The following LPP variants were observed in gnomAD, a reference collection of about 807,000 sequenced individuals.
LPP encodes the protein LIM domain containing preferred translocation partner in lipoma, also known as lipoma-preferred partner.
A neutral mutation model predicts 60.4 loss-of-function variants in LPP; 38 were observed. That is an observed-to-expected ratio of 0.63 (90% confidence interval 0.49 to 0.83). The LOEUF (loss-of-function observed/expected upper bound fraction) is 0.83. LPP is among the 40% of genes least tolerant of loss of function. LPP has a pLI of 0.00. For missense variants in LPP, 902 were observed against 783.6 expected, an observed-to-expected ratio of 1.15 and a Z score of -1.80; for synonymous variants, 328 against 290.8, an observed-to-expected ratio of 1.13 and a Z score of -1.30.
Position 188,609,717 on chromosome 3 carries a change from A to G in LPP, c.986A>G (p.Glu329Gly). ...GGTCACCCAAATACCTGGAAACGGG[A>G]ACCAGGGTACACTCCTCCTGGAGCA... Reference protein sequence around the residue: ...QQGHPNTWKREPGYTPPGAGN... With the variant: ...QQGHPNTWKRGPGYTPPGAGN... The change falls in exon 7 of 12, where the codon GAA (glutamate) becomes GGA (glycine). Residue 329 changes from glutamate to glycine, a missense_variant. Transcript: ENST00000617246. The surrounding 1 kb of genome is among the most constrained non-coding windows in gnomAD (Gnocchi z 6.9). 2.5e-6 allele frequency: 4 copies of G among 1,614,138 alleles called. No homozygotes were observed. In the South Asian group the frequency reaches 4.4e-5, roughly 18 times the overall value.
chr3:188,785,584 A>G (rs1295871552), intron 9 of LPP, among the ~76,000 whole-genome samples: 1 of 145,814 alleles, frequency 6.9e-6, no homozygotes, highest in Non-Finnish European at 1.5e-5. Context: ...ATACCCACAC[A>G]TCCCAGTTTC....
At chr3:188,281,993 T>C (rs1276654611) in intron 2 of LPP, among the ~76,000 whole-genome samples, 1 of 152,158 alleles carries the variant, frequency 6.6e-6, no homozygotes, top group Non-Finnish European at 1.5e-5. Flanking sequence ...CCTTCTCACC[T>C]TGCCCTTTGG....
At chr3:188,336,371 T>C (rs1210746083) in intron 2 of LPP, among the ~76,000 whole-genome samples, 1 of 152,124 alleles carries the variant, frequency 6.6e-6, no homozygotes, top group Non-Finnish European at 1.5e-5. Flanking sequence ...GAGACATTAC[T>C]CTACAAACTC....
intron 6 of LPP, among the ~76,000 whole-genome samples, chr3:188,528,991 C>T (rs1414291244): frequency 2.6e-5 from 4 of 152,152 alleles, no homozygotes; most frequent in African/African-American, 9.7e-5. Flanking sequence ...TGGTAAAATA[C>T]ACTTTCGATG....
At chr3:188,170,329 C>CTTTTTTTTTTT (rs34760455) in intron 1 of LPP, among the ~76,000 whole-genome samples, 4 of 96,434 alleles carry the variant, frequency 4.1e-5, no homozygotes, top group Admixed American at 1.1e-4. Context: ...CTTTTCTTTT[C>CTTTTTTTTTTT]TTTTTTTTTT....
At chr3:188,622,870 A>G (rs1846051043) in intron 7 of LPP, among the ~76,000 whole-genome samples, 1 of 152,040 alleles carries the variant, frequency 6.6e-6, no homozygotes, top group South Asian at 2.1e-4. Context: ...TCTACTAAAA[A>G]TACAAAAATT....
chr3:188,255,638 G>C (rs1577612994), intron 2 of LPP, among the ~76,000 whole-genome samples: 1 of 152,158 alleles, frequency 6.6e-6, no homozygotes, highest in Non-Finnish European at 1.5e-5. Flanking sequence ...TTAATTCATA[G>C]CTGGCTTTTG....
chr3:188,227,270 C>T (rs938937921), intron 2 of LPP, among the ~76,000 whole-genome samples: 2 of 151,174 alleles, frequency 1.3e-5, no homozygotes, highest in African/African-American at 4.9e-5. Flanking sequence ...ATGTGCCATG[C>T]TGGTGTGCTG....
In LPP at chr3:188,239,189, C is replaced by T. The variant is rs190081767; in HGVS notation, c.-67+13662C>T. The stretch of plus-strand genomic sequence containing the variant: ...TCTCCACTCCGTTTCTCTGCCCCTG[C>T]GGCAGGCACACCTGCAGGGATGCCT... On this transcript the variant is annotated intron_variant, in intron 2 of 11. Coordinates refer to ENST00000617246, the MANE Select transcript of LPP (RefSeq NM_001375462.1). Among the ~76,000 whole-genome samples, 51 of 152,338 alleles carry T rather than the reference C, an allele frequency of 3.3e-4. No homozygotes were observed. In the Middle Eastern group the frequency reaches 0.014, roughly 41 times the overall value.
chr3:188,179,117 G>GAGA, intron 1 of LPP: 1 of 336,288 alleles, frequency 3.0e-6, no homozygotes, highest in Middle Eastern at 9.1e-4. Context: ...AGAGAGAGAG[G>GAGA]TTTTGAGAGC....
chr3:188,357,294 C>T (rs1183531266), intron 3 of LPP, among the ~76,000 whole-genome samples: 1 of 152,152 alleles, frequency 6.6e-6, no homozygotes, highest in African/African-American at 2.4e-5. Flanking sequence ...ACGGCTATTT[C>T]ACTAGATGCT....
chr3:188,866,514 A>G (rs1056163954), intron 10 of LPP, 136 bp downstream of exon 10: 1 of 633,004 alleles, frequency 1.6e-6, no homozygotes, highest in Non-Finnish European at 2.4e-6. Context: ...AAAAGAGCTT[A>G]TTGATCCCCT....
intron 9 of LPP, among the ~76,000 whole-genome samples, chr3:188,850,030 A>G (rs1032991835): frequency 6.6e-6 from 1 of 152,246 alleles, no homozygotes; most frequent in Non-Finnish European, 1.5e-5. Flanking sequence ...TTTAAAAGTT[A>G]TGGATGCCTG....
At chr3:188,821,689 A>C (rs1176301375) in intron 9 of LPP, among the ~76,000 whole-genome samples, 1 of 152,088 alleles carries the variant, frequency 6.6e-6, no homozygotes, top group East Asian at 1.9e-4. Context: ...ATACATGTAC[A>C]CGTTACAATA....
chr3:188,776,543 T>C (rs1737849431), intron 9 of LPP, among the ~76,000 whole-genome samples: 1 of 152,214 alleles, frequency 6.6e-6, no homozygotes, highest in Non-Finnish European at 1.5e-5. Context: ...AGTCTTAGAC[T>C]CATTGTCTTC....
At chr3:188,786,158 T>C (rs1194822989) in intron 9 of LPP, among the ~76,000 whole-genome samples, 1 of 151,770 alleles carries the variant, frequency 6.6e-6, no homozygotes, top group East Asian at 1.9e-4. Context: ...GGCGGGTGGA[T>C]CACTTGAGGT....
chr3:188,652,002 C>T (rs1015442384), intron 7 of LPP, among the ~76,000 whole-genome samples: 1 of 152,168 alleles, frequency 6.6e-6, no homozygotes, highest in Non-Finnish European at 1.5e-5. Context: ...CAGGGTTTCA[C>T]TGCTTATAAG....
At chr3:188,342,651 T>C (rs1243223954) in intron 3 of LPP, among the ~76,000 whole-genome samples, 1 of 152,232 alleles carries the variant, frequency 6.6e-6, no homozygotes, top group Non-Finnish European at 1.5e-5. Flanking sequence ...GTTATATCTA[T>C]GACCTCGAAC....
chr3:188,748,369 A>T lies in LPP; in HGVS notation c.1241-11744A>T, dbSNP rs189073805. On this transcript the variant is annotated intron_variant, in intron 8 of 11. Coordinates refer to ENST00000617246, the MANE Select transcript of LPP (RefSeq NM_001375462.1). ...CTATTTCTCTTCCACCTATGGCTCA[A>T]ATGGGTAAAATAGCTTACTCAAAGT... is the stretch of plus-strand genomic sequence containing the variant. Among the ~76,000 whole-genome samples, 296 of 152,254 alleles carry T rather than the reference A, an allele frequency of 1.9e-3. 3 individuals are homozygous for T. Among genetic ancestry groups the T allele is most frequent in the South Asian group, 5.0e-3 (24 of 4,816 alleles).
Sources: allele counts gnomAD v4.1 joint callset (sites outside exome capture counted in the v4.1 genomes callset), GRCh38; gene constraint gnomAD v4.1.1; non-coding constraint Gnocchi (gnomAD v3.1); transcripts MANE v1.5; gene names NCBI Gene and HGNC (gene_info 2026-07-23, HGNC 2026-07-21).